Variants in FERMT2 observed in about 807,000 individuals in gnomAD.
FERMT2 encodes FERM domain containing kindlin 2, also known as fermitin family homolog 2.
In FERMT2, 15 loss-of-function variants were observed where a neutral mutation model predicts 82.7. The observed-to-expected ratio is 0.18, with a 90% CI of 0.12 to 0.28. FERMT2 has a LOEUF of 0.28. FERMT2 is among the 10% of genes least tolerant of loss of function. The probability of loss-of-function intolerance (pLI) is 1.00; values close to 1 mark genes in which losing one functional copy is unlikely to be tolerated. For synonymous variants in FERMT2, 274 were observed against 271.5 expected, an observed-to-expected ratio of 1.01 and a Z score of -0.09; for missense variants, 645 against 809.4, an observed-to-expected ratio of 0.80 and a Z score of 2.46.
chr14:52,871,146 C>T (rs1401507460), intron 10 of FERMT2, among the ~76,000 whole-genome samples: 2 of 152,218 alleles, frequency 1.3e-5, no homozygotes, highest in Non-Finnish European at 2.9e-5. Flanking sequence ...TAATACCTCC[C>T]TCCTTTCATT....
chr14:52,944,527 T>C (rs1862057153), intron 2 of FERMT2, among the ~76,000 whole-genome samples: 1 of 152,252 alleles, frequency 6.6e-6, no homozygotes, highest in African/African-American at 2.4e-5. Flanking sequence ...TGCCAAGCTC[T>C]AATCCTAGTG....
At chr14:52,924,659 G>A (rs965622667) in intron 2 of FERMT2, among the ~76,000 whole-genome samples, 13 of 152,180 alleles carry the variant, frequency 8.5e-5, no homozygotes, top group Non-Finnish European at 1.6e-4. Context: ...TAATGGTTGG[G>A]AGGTGAGGAA....
At chr14:52,894,487 AT>A (rs1010177946) in intron 3 of FERMT2, among the ~76,000 whole-genome samples, 1 of 152,138 alleles carries the variant, frequency 6.6e-6, no homozygotes, top group African/African-American at 2.4e-5. Context: ...AAAGAACAAA[AT>A]TGGACGACTT....
chr14:52,914,355 G>C (rs1429086222), intron 3 of FERMT2, among the ~76,000 whole-genome samples: 1 of 151,976 alleles, frequency 6.6e-6, no homozygotes, highest in East Asian at 1.9e-4. Context: ...GGGTGACAGA[G>C]CAAGATACTA....
intron 7 of FERMT2, among the ~76,000 whole-genome samples, chr14:52,875,600 AAGACTTAAG>A (rs1321996810): frequency 2.0e-5 from 3 of 152,150 alleles, no homozygotes; most frequent in Non-Finnish European, 4.4e-5. Flanking sequence ...TGCGGGCTCT[AAGACTTAAG>A]AGAGTTAACT....
chr14:52,926,269 G>C (rs1889265170), intron 2 of FERMT2, among the ~76,000 whole-genome samples: 1 of 152,146 alleles, frequency 6.6e-6, no homozygotes, highest in South Asian at 2.1e-4. Context: ...CCCTGAATTT[G>C]CATAAACTAA....
At chr14:52,919,064 C>A in intron 3 of FERMT2, 59 bp downstream of exon 3, 1 of 1,178,658 alleles carries the variant, frequency 8.5e-7, no homozygotes, top group Non-Finnish European at 1.2e-6. Flanking sequence ...CTATGTCAGT[C>A]ATCGGTCATC....
intron 2 of FERMT2, among the ~76,000 whole-genome samples, chr14:52,942,250 T>C (rs914984295): frequency 2.6e-5 from 4 of 151,934 alleles, no homozygotes; most frequent in Admixed American, 1.3e-4. Flanking sequence ...TATCAATATA[T>C]ATGTATTATC....
intron 4 of FERMT2, among the ~76,000 whole-genome samples, chr14:52,893,068 G>A (rs990352734): frequency 1.3e-5 from 2 of 152,150 alleles, no homozygotes; most frequent in African/African-American, 2.4e-5. Flanking sequence ...CACGATCTTG[G>A]CTCACTGCAA....
At chr14:52,878,810 A>G in intron 6 of FERMT2, 121 bp from the exon 7 acceptor site, 1 of 547,354 alleles carries the variant, frequency 1.8e-6, no homozygotes, top group Non-Finnish European at 3.1e-6. Context: ...CTTAATTTAC[A>G]AGCAAGAATT....
At chr14:52,944,185 A>C (rs1403648385) in intron 2 of FERMT2, among the ~76,000 whole-genome samples, 2 of 152,260 alleles carry the variant, frequency 1.3e-5, no homozygotes, top group Admixed American at 1.3e-4. Flanking sequence ...ATGGATCATG[A>C]ACAGTGTTTT....
At chr14:52,948,506 A>G (rs1890464754) in intron 2 of FERMT2, 1 of 438,434 alleles carries the variant, frequency 2.3e-6, no homozygotes, top group East Asian at 7.0e-5. Flanking sequence ...AAGAGGAATC[A>G]GTATGAATTC....
intron 12 of FERMT2, 41 bp downstream of exon 12, chr14:52,864,346 TACAAAATTATAAAA>T: frequency 7.4e-7 from 1 of 1,344,168 alleles, no homozygotes; most frequent in South Asian, 1.2e-5. Flanking sequence ...CAAAGTTATG[TACAAAATTATAAAA>T]ACAAACCAGC....
intron 4 of FERMT2, among the ~76,000 whole-genome samples, chr14:52,887,085 T>C (rs575242026): frequency 1.2e-4 from 19 of 152,152 alleles, no homozygotes; most frequent in Admixed American, 2.6e-4. Flanking sequence ...ACTTTTGTAC[T>C]TAAAAGAATA....
intron 3 of FERMT2, among the ~76,000 whole-genome samples, chr14:52,905,317 T>C (rs1481458469): frequency 6.7e-6 from 1 of 150,024 alleles, no homozygotes; most frequent in Non-Finnish European, 1.5e-5. Flanking sequence ...AGTAAACGAG[T>C]AGAAAGTGGT....
chr14:52,862,739 T>C (rs562136602), intron 12 of FERMT2: 2 of 152,306 alleles, frequency 1.3e-5, no homozygotes, highest in Non-Finnish European at 2.9e-5. Context: ...GGGTTAAAAA[T>C]GTGCATTTGA....
At chr14:52,935,682 T>C (rs1889803661) in intron 2 of FERMT2, among the ~76,000 whole-genome samples, 1 of 152,312 alleles carries the variant, frequency 6.6e-6, no homozygotes, top group Non-Finnish European at 1.5e-5. Flanking sequence ...GGATATGTTA[T>C]TTGTTATGGC....
chr14:52,864,735 T>C lies in FERMT2; in HGVS notation c.1380+12A>G, dbSNP rs1410887211. 12 of 1,599,484 alleles carry C rather than the reference T, an allele frequency of 7.5e-6. No individual in the cohort carries two copies. The highest frequency in any genetic ancestry group is 1.0e-5 in the Non-Finnish European group (12 of 1,168,486). On this transcript the variant is annotated intron_variant, in intron 11 of 14. Coordinates refer to ENST00000341590, the MANE Select transcript of FERMT2 (RefSeq NM_006832.3). Reference sequence around the variant, plus strand: ...AAGAAAATTGAAGTGTATTTTTAACTGGAAAACTTACATTGTCACAACGAA... The same window carrying C: ...AAGAAAATTGAAGTGTATTTTTAACCGGAAAACTTACATTGTCACAACGAA...
chr14:52,920,129 C>A (rs753452420), intron 2 of FERMT2, among the ~76,000 whole-genome samples: 6 of 152,066 alleles, frequency 3.9e-5, no homozygotes, highest in Non-Finnish European at 8.8e-5. Context: ...ATTTAGCTAC[C>A]CCCAGATAAG....
Sources: gnomAD v4.1 joint callset for allele counts (sites outside exome capture counted in the v4.1 genomes callset) on GRCh38, gnomAD v4.1.1 for gene constraint, MANE v1.5 for transcripts, NCBI Gene and HGNC (gene_info 2026-07-23, HGNC 2026-07-21) for gene names.